ROBO2: variants seen among roughly 807,000 people sequenced by gnomAD.
The protein encoded by ROBO2 is roundabout homolog 2.
In ROBO2, 53 loss-of-function variants were observed where a neutral mutation model predicts 160.8. The observed-to-expected ratio is 0.33, with a 90% CI of 0.26 to 0.41. The LOEUF (loss-of-function observed/expected upper bound fraction) is 0.41, where lower values mean the gene tolerates loss of function less well. Among genes scored for constraint, ROBO2 ranks in the 10% least tolerant of loss-of-function variants. The pLI is 1.00. For missense variants in ROBO2, 1,577 were observed against 1,722.4 expected (o/e 0.92, Z 1.49); for synonymous variants, 664 against 611.7 (o/e 1.09, Z -1.26).
In ROBO2 at chr3:76,278,106, A is replaced by G. The variant is rs374670926; in HGVS notation, c.109+340504A>G. Among the ~76,000 whole-genome samples the G allele has an allele frequency of 1.1e-4, 17 of 152,058 alleles. No homozygotes were observed. The East Asian group carries it at 3.3e-3, about 29-fold the overall frequency. On this transcript the variant is annotated intron_variant, in intron 2 of 26. Transcript: ENST00000487694. ...CAGGCTCTTCATTCTAATTAATGAT[A>G]AAGTTAAACTTGTATGGTTTAATAA...
At chr3:77,487,862 G>A (rs2085563446) in intron 4 of ROBO2, among the ~76,000 whole-genome samples, 1 of 151,970 alleles carries the variant, frequency 6.6e-6, no homozygotes, top group Non-Finnish European at 1.5e-5. Flanking sequence ...AAATTTTATG[G>A]TCATTTGAGA....
At chr3:76,130,441 A>G (rs897441232) in intron 2 of ROBO2, among the ~76,000 whole-genome samples, 7 of 152,176 alleles carry the variant, frequency 4.6e-5, no homozygotes, top group Admixed American at 4.6e-4. Context: ...GAGTGAAAAG[A>G]GAAAGAAGTT....
At chr3:76,280,182 T>G (rs146757150) in intron 2 of ROBO2, among the ~76,000 whole-genome samples, 2 of 152,138 alleles carry the variant, frequency 1.3e-5, no homozygotes, top group African/African-American at 4.8e-5. Context: ...TGTATGAACA[T>G]GCTTACCTAA....
intron 2 of ROBO2, among the ~76,000 whole-genome samples, chr3:76,945,249 C>T (rs1006420678): frequency 1.1e-4 from 17 of 152,056 alleles, no homozygotes; most frequent in African/African-American, 2.4e-4. Context: ...AAGTATTTTG[C>T]GCATAATAAG....
At chr3:77,028,401 C>A (rs962855720) in intron 2 of ROBO2, among the ~76,000 whole-genome samples, 1 of 152,002 alleles carries the variant, frequency 6.6e-6, no homozygotes, top group African/African-American at 2.4e-5. Context: ...GTTTTAGGTC[C>A]TCCAAAAACT....
chr3:75,916,127 T>G (rs1452442831), intron 1 of ROBO2, among the ~76,000 whole-genome samples: 1 of 152,202 alleles, frequency 6.6e-6, no homozygotes, highest in Non-Finnish European at 1.5e-5. Flanking sequence ...ACATGAAATA[T>G]TTGGCAATAT....
At chr3:76,457,235 C>A (rs1304909847) in intron 2 of ROBO2, among the ~76,000 whole-genome samples, 2 of 152,142 alleles carry the variant, frequency 1.3e-5, no homozygotes, top group Non-Finnish European at 2.9e-5. Flanking sequence ...CAGAAGCAAG[C>A]AAGTTACTTA....
At chr3:77,236,150 G>C (rs991842749) in intron 2 of ROBO2, among the ~76,000 whole-genome samples, 1 of 152,174 alleles carries the variant, frequency 6.6e-6, no homozygotes, top group Non-Finnish European at 1.5e-5. Flanking sequence ...CCTGTAAGAC[G>C]TACATTGGCA....
At chr3:76,242,307 A>G (rs1484189478) in intron 2 of ROBO2, among the ~76,000 whole-genome samples, 1 of 152,192 alleles carries the variant, frequency 6.6e-6, no homozygotes, top group Non-Finnish European at 1.5e-5. Flanking sequence ...AAATGCGACT[A>G]GGAGGCATAG....
In ROBO2 at chr3:77,142,772, G is replaced by A. The variant is rs146157620; in HGVS notation, c.388+44432G>A. Reference sequence around the variant, plus strand: ...GAGCTTGCTACAAGGGGAGGAGAAGGCAGCTACCTCTTCTGAGGGCCTGAG... The same window carrying A: ...GAGCTTGCTACAAGGGGAGGAGAAGACAGCTACCTCTTCTGAGGGCCTGAG... On this transcript the variant is annotated intron_variant, in intron 2 of 25. Coordinates refer to ENST00000461745, the Ensembl canonical transcript of ROBO2. Among the ~76,000 whole-genome samples the A allele has an allele frequency of 5.1e-3, 780 of 152,214 alleles. 6 individuals carry two copies. The highest frequency in any genetic ancestry group is 0.028 in the East Asian group (145 of 5,158).
chr3:77,583,815 T>A (rs1177439658), intron 16 of ROBO2, among the ~76,000 whole-genome samples: 3 of 152,204 alleles, frequency 2.0e-5, no homozygotes, highest in African/African-American at 7.2e-5. Context: ...AGCAGGCACA[T>A]ACATTACTGT....
chr3:77,579,766 A>G (rs957862905), intron 15 of ROBO2, among the ~76,000 whole-genome samples, 181 bp from the exon 17 acceptor site: 3 of 152,166 alleles, frequency 2.0e-5, no homozygotes, highest in African/African-American at 7.2e-5. Flanking sequence ...GTGCACACAA[A>G]CACACTTACA....
intron 1 of ROBO2, among the ~76,000 whole-genome samples, chr3:75,935,753 C>T (rs1947747263): frequency 6.6e-6 from 1 of 152,212 alleles, no homozygotes; most frequent in African/African-American, 2.4e-5. Context: ...TCCCTCTTCT[C>T]AGCATCAGTT....
chr3:76,345,467 G>A (rs1576568249), intron 2 of ROBO2, among the ~76,000 whole-genome samples: 2 of 148,366 alleles, frequency 1.3e-5, no homozygotes, highest in South Asian at 4.2e-4. Flanking sequence ...TTTAAGCACA[G>A]GGGAAATATT....
At chr3:76,578,465 G>T (rs1296968354) in intron 2 of ROBO2, among the ~76,000 whole-genome samples, 1 of 151,976 alleles carries the variant, frequency 6.6e-6, no homozygotes, top group Non-Finnish European at 1.5e-5. Flanking sequence ...TGCTCCCAGG[G>T]CTACTCTACT....
intron 9 of ROBO2, among the ~76,000 whole-genome samples, 192 bp from the exon 11 acceptor site, chr3:77,562,459 C>G (rs567990570): frequency 6.6e-6 from 1 of 151,928 alleles, no homozygotes; most frequent in South Asian, 2.1e-4. Context: ...CCCTTTGGAC[C>G]AATGTTATGA....
intron 2 of ROBO2, among the ~76,000 whole-genome samples, chr3:76,002,395 T>C (rs1576441016): frequency 6.6e-6 from 1 of 151,866 alleles, no homozygotes; most frequent in Admixed American, 6.6e-5. Flanking sequence ...AGGGACCCGG[T>C]GGGAGGTAAT....
At chr3:77,415,085 C>G (rs1173107922) in intron 2 of ROBO2, among the ~76,000 whole-genome samples, 1 of 152,126 alleles carries the variant, frequency 6.6e-6, no homozygotes, top group South Asian at 2.1e-4. Flanking sequence ...TTAGGGACAT[C>G]CAGGAATATT....
At chr3:76,332,197 T>C (rs974306969) in intron 2 of ROBO2, among the ~76,000 whole-genome samples, 2 of 152,210 alleles carry the variant, frequency 1.3e-5, no homozygotes, top group African/African-American at 4.8e-5. Context: ...ATGTTTCCTT[T>C]GTCCTGTATC....
Sources: allele counts gnomAD v4.1 joint callset (sites outside exome capture counted in the v4.1 genomes callset), GRCh38; gene constraint gnomAD v4.1.1; transcripts MANE v1.5; gene names NCBI Gene and HGNC (gene_info 2026-07-23, HGNC 2026-07-21).